Variants in NXPE2 observed in about 807,000 individuals in gnomAD.
The protein encoded by NXPE2 is neurexophilin and PC-esterase domain family member 2.
A neutral mutation model predicts 34.4 loss-of-function variants in NXPE2; 34 were observed. That is an observed-to-expected ratio of 0.99 (90% CI 0.75 to 1.31). The LOEUF is 1.31. Ranked by LOEUF, NXPE2 falls within the 40% of genes most tolerant of loss-of-function variation. The pLI, the probability that NXPE2 is intolerant of heterozygous loss-of-function variation, is 0.00. For synonymous variants in NXPE2, 235 were observed against 231.3 expected (o/e 1.02, Z -0.15); for missense variants, 649 against 672.5 (o/e 0.97, Z 0.39).
chr11:114,509,367 T>G, the NXPE2 span, among the ~76,000 whole-genome samples: 1 of 152,202 alleles, frequency 6.6e-6, no homozygotes. Flanking sequence ...GTGTGACAAT[T>G]CCTTAAAGAC....
the NXPE2 span, among the ~76,000 whole-genome samples, chr11:114,770,109 A>G: frequency 2.2e-4 from 34 of 152,328 alleles, 1 homozygote; most frequent in African/African-American, 8.2e-4. Flanking sequence ...TTTCAGCTTC[A>G]AATCTGCAAA....
At chr11:114,595,330 C>T in the NXPE2 span, among the ~76,000 whole-genome samples, 1 of 152,092 alleles carries the variant, frequency 6.6e-6, no homozygotes, top group South Asian at 2.1e-4. Context: ...CAGGCTTTAT[C>T]AGTATTTTTC....
chr11:114,645,567 A>G, the NXPE2 span, among the ~76,000 whole-genome samples: 1 of 152,208 alleles, frequency 6.6e-6, no homozygotes, highest in Non-Finnish European at 1.5e-5. Context: ...AGTGCAATAA[A>G]AGATACCCTA....
At chr11:114,589,271 C>G in the NXPE2 span, among the ~76,000 whole-genome samples, 1 of 152,078 alleles carries the variant, frequency 6.6e-6, no homozygotes, top group Non-Finnish European at 1.5e-5. Context: ...TCCTGGTGCT[C>G]AAGCCCTGGC....
chr11:114,719,580 A>G, the NXPE2 span, among the ~76,000 whole-genome samples: 1 of 152,192 alleles, frequency 6.6e-6, no homozygotes, highest in African/African-American at 2.4e-5. Context: ...TTGAATGCAT[A>G]TGGGCAGAGA....
the NXPE2 span, among the ~76,000 whole-genome samples, chr11:114,746,625 G>A: frequency 6.6e-6 from 1 of 152,152 alleles, no homozygotes; most frequent in African/African-American, 2.4e-5. Flanking sequence ...GCTGAGGTGG[G>A]CGGATCATGA....
intron 2 of NXPE2, among the ~76,000 whole-genome samples, chr11:114,681,681 CT>C (rs1415350981): frequency 1.3e-5 from 2 of 152,086 alleles, no homozygotes. Flanking sequence ...ATAATTATTA[CT>C]GATAACAGGC....
At chr11:114,470,181 T>A in the NXPE2 span, among the ~76,000 whole-genome samples, 1 of 152,162 alleles carries the variant, frequency 6.6e-6, no homozygotes, top group Non-Finnish European at 1.5e-5. Context: ...TGTATGGACA[T>A]ATGTTTTTTT....
chr11:114,544,518 G>A, the NXPE2 span, among the ~76,000 whole-genome samples: 3 of 152,076 alleles, frequency 2.0e-5, no homozygotes, highest in African/African-American at 7.2e-5. Flanking sequence ...ACAATTAGAC[G>A]TTCATACATA....
At chr11:114,690,353 A>G (rs1224868662) in intron 2 of NXPE2, among the ~76,000 whole-genome samples, 2 of 152,144 alleles carry the variant, frequency 1.3e-5, no homozygotes, top group Non-Finnish European at 2.9e-5. Flanking sequence ...TTCATTTATG[A>G]AGCTTAGTTT....
At chr11:114,665,298 A>C in the NXPE2 span, among the ~76,000 whole-genome samples, 7 of 152,114 alleles carry the variant, frequency 4.6e-5, no homozygotes, top group South Asian at 1.4e-3. Flanking sequence ...TCTCCCCCAC[A>C]ATCTCTCTAA....
At chr11:114,601,313 A>G in the NXPE2 span, among the ~76,000 whole-genome samples, 4 of 149,624 alleles carry the variant, frequency 2.7e-5, no homozygotes, top group Admixed American at 6.9e-5. Context: ...CTCATAGCTT[A>G]AATCCCACTT....
At chr11:114,551,295 G>T in the NXPE2 span, 1 of 1,321,830 alleles carries the variant, frequency 7.6e-7, no homozygotes, top group Non-Finnish European at 1.0e-6. Context: ...CTTGTAATTT[G>T]CCTCCAACAT....
At chr11:114,575,597 G>GTAAAA in the NXPE2 span, among the ~76,000 whole-genome samples, 28 of 151,666 alleles carry the variant, frequency 1.8e-4, no homozygotes, top group East Asian at 2.7e-3. Flanking sequence ...CACAATAGCT[G>GTAAAA]TAAAATAAAA....
chr11:114,583,911 G>T, the NXPE2 span: 1 of 393,994 alleles, frequency 2.5e-6, no homozygotes, highest in South Asian at 2.1e-5. Flanking sequence ...GGCAAAGGCA[G>T]ATATTATGCT....
chr11:114,547,728 C>T, the NXPE2 span, among the ~76,000 whole-genome samples: 1 of 152,106 alleles, frequency 6.6e-6, no homozygotes, highest in Non-Finnish European at 1.5e-5. Flanking sequence ...GAGCAAGACT[C>T]TGTCTCAAAA....
the NXPE2 span, among the ~76,000 whole-genome samples, chr11:114,562,528 CA>C: frequency 6.6e-6 from 1 of 152,244 alleles, no homozygotes; most frequent in South Asian, 2.1e-4. Context: ...TCAGGATATC[CA>C]ACAAGTTCTG....
chr11:114,587,652 C>T, the NXPE2 span, among the ~76,000 whole-genome samples: 472 of 152,294 alleles, frequency 3.1e-3, 3 homozygotes, highest in African/African-American at 0.01. Context: ...GGGCTCAGGG[C>T]GCCAAGGAGG....
chr11:114,739,362 C>T, the NXPE2 span, among the ~76,000 whole-genome samples: 1 of 75,750 alleles, frequency 1.3e-5, no homozygotes, highest in Non-Finnish European at 2.7e-5. Flanking sequence ...CTCCCTCCCT[C>T]CCTCCCTCCC....
Sources: allele counts gnomAD v4.1 joint callset (sites outside exome capture counted in the v4.1 genomes callset), GRCh38; gene constraint gnomAD v4.1.1; transcripts MANE v1.5; gene names NCBI Gene and HGNC (gene_info 2026-07-23, HGNC 2026-07-21).